The following SOBP variants were observed in gnomAD, a reference collection of about 807,000 sequenced individuals.
SOBP encodes the protein sine oculis-binding protein homolog.
In SOBP, 4 loss-of-function variants were observed where a neutral mutation model predicts 53.6. The ratio of observed to expected loss-of-function variants is 0.07; its 90% CI spans 0.04 to 0.17. The LOEUF (loss-of-function observed/expected upper bound fraction) is 0.17, where lower values mean the gene tolerates loss of function less well. SOBP is among the 10% of genes least tolerant of loss of function. SOBP has a pLI of 1.00. For synonymous variants in SOBP, 584 were observed against 522.6 expected, an observed-to-expected ratio of 1.12 and a Z score of -1.60; for missense variants, 1,088 against 1,204.7, an observed-to-expected ratio of 0.90 and a Z score of 1.43.
intron 5 of SOBP, among the ~76,000 whole-genome samples, chr6:107,616,647 G>A (rs1271697115): frequency 6.6e-6 from 1 of 152,184 alleles, no homozygotes. Flanking sequence ...TGTCTTAAAA[G>A]GGAATAAAAT....
At chr6:107,574,960 T>C (rs1785182984) in intron 4 of SOBP, among the ~76,000 whole-genome samples, 2 of 152,176 alleles carry the variant, frequency 1.3e-5, no homozygotes, top group Non-Finnish European at 2.9e-5. Context: ...ATGTGAGGGT[T>C]TGAGCCACAA....
chr6:107,503,614 T>C (rs1782899901), intron 1 of SOBP, 43 bp from the exon 2 acceptor site: 2 of 1,607,838 alleles, frequency 1.2e-6, no homozygotes, highest in East Asian at 4.5e-5. Flanking sequence ...TTCAAGTAGT[T>C]ATTGATTATA....
intron 5 of SOBP, among the ~76,000 whole-genome samples, chr6:107,616,349 G>A (rs1182362075): frequency 6.6e-6 from 1 of 152,272 alleles, no homozygotes; most frequent in East Asian, 1.9e-4. Flanking sequence ...GCTCCCTTCT[G>A]AGACTAAGAA....
At chr6:107,618,338 T>C (rs1352550483) in intron 5 of SOBP, among the ~76,000 whole-genome samples, 1 of 152,210 alleles carries the variant, frequency 6.6e-6, no homozygotes, top group Non-Finnish European at 1.5e-5. Flanking sequence ...ATTTGTCTGG[T>C]TAGAAGAGTT....
intron 1 of SOBP, among the ~76,000 whole-genome samples, chr6:107,492,970 C>T (rs1285156230): frequency 6.6e-6 from 1 of 152,038 alleles, no homozygotes; most frequent in African/African-American, 2.4e-5. Flanking sequence ...TATAACAGCA[C>T]CAAAAGTCCT....
intron 6 of SOBP, among the ~76,000 whole-genome samples, chr6:107,651,922 G>A (rs1048726134): frequency 6.6e-6 from 1 of 152,174 alleles, no homozygotes; most frequent in Non-Finnish European, 1.5e-5. Context: ...ATGGTTTACT[G>A]AATATTTTAA....
chr6:107,513,220 G>C (rs1783221619), intron 3 of SOBP, among the ~76,000 whole-genome samples: 2 of 152,180 alleles, frequency 1.3e-5, no homozygotes, highest in Non-Finnish European at 2.9e-5. Context: ...ACCATTTCCT[G>C]TCCTCCAGGA....
At chr6:107,654,295 T>G (rs1771924519) in intron 6 of SOBP, among the ~76,000 whole-genome samples, 1 of 152,204 alleles carries the variant, frequency 6.6e-6, no homozygotes, top group African/African-American at 2.4e-5. Flanking sequence ...TGTAATTGTG[T>G]GTGTCTGATG....
At chr6:107,648,117 C>A (rs1771638742) in intron 6 of SOBP, among the ~76,000 whole-genome samples, 1 of 152,194 alleles carries the variant, frequency 6.6e-6, no homozygotes, top group Non-Finnish European at 1.5e-5. Flanking sequence ...TGCCGTTGAC[C>A]CACAGGTCAA....
chr6:107,587,721 G>A (rs920911091), intron 5 of SOBP, among the ~76,000 whole-genome samples: 7 of 152,194 alleles, frequency 4.6e-5, no homozygotes, highest in African/African-American at 7.2e-5. Flanking sequence ...AGTCGTGAGA[G>A]GGAGGATATC....
chr6:107,557,299 T>C (rs1012538414), intron 4 of SOBP, among the ~76,000 whole-genome samples: 4 of 152,246 alleles, frequency 2.6e-5, no homozygotes, highest in South Asian at 4.1e-4. Context: ...ATACCTCTGA[T>C]AGAAGTGATT....
intron 3 of SOBP, among the ~76,000 whole-genome samples, chr6:107,525,598 G>A (rs2114977135): frequency 6.6e-6 from 1 of 152,328 alleles, no homozygotes; most frequent in East Asian, 1.9e-4. Context: ...TGAATACTAT[G>A]AAATTTCAGT....
intron 1 of SOBP, among the ~76,000 whole-genome samples, chr6:107,494,869 T>C (rs561201291): frequency 2.0e-5 from 3 of 152,270 alleles, no homozygotes; most frequent in South Asian, 2.1e-4. Flanking sequence ...TGGTCTCAAT[T>C]TGGCATTAAA....
chr6:107,529,461 A>G (rs1783756859), intron 3 of SOBP: 1 of 985,270 alleles, frequency 1.0e-6, no homozygotes, highest in Non-Finnish European at 1.2e-6. Flanking sequence ...CATTCTAGGA[A>G]CTGTTGGAGG....
At chr6:107,639,998 C>G (rs1158686243) in intron 6 of SOBP, among the ~76,000 whole-genome samples, 3 of 152,146 alleles carry the variant, frequency 2.0e-5, no homozygotes, top group Admixed American at 2.0e-4. Context: ...GCAGGGGGGA[C>G]TTGACATCTT....
At chr6:107,537,783 G>T (rs191177678) in intron 4 of SOBP, among the ~76,000 whole-genome samples, 7 of 145,350 alleles carry the variant, frequency 4.8e-5, no homozygotes, top group African/African-American at 1.8e-4. Flanking sequence ...CTGTGCCATT[G>T]TACTCCTTCC....
At chr6:107,542,549 G>A (rs550618202) in intron 4 of SOBP, among the ~76,000 whole-genome samples, 1 of 152,266 alleles carries the variant, frequency 6.6e-6, no homozygotes, top group South Asian at 2.1e-4. Flanking sequence ...CTCTGTGACG[G>A]AAGTAACACA....
chr6:107,621,549 C>T (rs1170880047), intron 5 of SOBP, among the ~76,000 whole-genome samples: 1 of 152,202 alleles, frequency 6.6e-6, no homozygotes, highest in Non-Finnish European at 1.5e-5. Flanking sequence ...TAAGCAGTCA[C>T]TCTCACACAG....
intron 4 of SOBP, among the ~76,000 whole-genome samples, chr6:107,542,864 G>T (rs1184051380): frequency 1.3e-5 from 2 of 151,964 alleles, no homozygotes; most frequent in Non-Finnish European, 2.9e-5. Context: ...AGGGCAGGTG[G>T]GGCTTGTCCC....
Sources: gnomAD v4.1 joint callset for allele counts (sites outside exome capture counted in the v4.1 genomes callset) on GRCh38, gnomAD v4.1.1 for gene constraint, MANE v1.5 for transcripts, NCBI Gene and HGNC (gene_info 2026-07-23, HGNC 2026-07-21) for gene names.